The following CASZ1 variants were observed in gnomAD, a reference collection of about 807,000 sequenced individuals.
CASZ1 encodes castor zinc finger 1.
A neutral mutation model predicts 135.2 loss-of-function variants in CASZ1; 28 were observed. That is an observed-to-expected ratio of 0.21 (90% confidence interval 0.15 to 0.28). CASZ1 has a LOEUF of 0.28. CASZ1 is among the 10% of genes least tolerant of loss of function. CASZ1 has a pLI of 1.00. For synonymous variants in CASZ1, 1,068 were observed against 1,073.4 expected (o/e 0.99, Z 0.10); for missense variants, 2,161 against 2,453.3 (o/e 0.88, Z 2.52).
At chr1:10,687,610 G>C (rs1638635488) in intron 4 of CASZ1, among the ~76,000 whole-genome samples, 1 of 152,262 alleles carries the variant, frequency 6.6e-6, no homozygotes, top group Non-Finnish European at 1.5e-5. Context: ...CCCGGAAGCG[G>C]GGAAGAGAAT....
At chr1:10,655,285 C>A (rs1256263473) in intron 9 of CASZ1, among the ~76,000 whole-genome samples, 1 of 152,220 alleles carries the variant, frequency 6.6e-6, no homozygotes, top group Non-Finnish European at 1.5e-5. Context: ...AAAGCCCAGA[C>A]TCTGCGTGGC....
intron 1 of CASZ1, among the ~76,000 whole-genome samples, chr1:10,768,657 C>T (rs1210726964): frequency 6.6e-6 from 1 of 152,218 alleles, no homozygotes; most frequent in Admixed American, 6.5e-5. Flanking sequence ...CCAGCCAGAG[C>T]CCACTGTGGG....
Position 10,699,795 on chromosome 1 carries a change from T to A in CASZ1, c.-24+5697A>T, listed in dbSNP as rs1570496092. On this transcript the variant is annotated intron_variant, in intron 3 of 20. Transcript: ENST00000377022. The surrounding 1 kb of genome is among the most constrained non-coding windows in gnomAD (Gnocchi z 4.6). ...TTCCCCTTTGTCTCACCCTTGTAGG[T>A]TTCTCTTATCAGAAGCAGCGACGGT... 6.6e-6 allele frequency among the ~76,000 whole-genome samples: 1 copy of A among 152,160 alleles called. No homozygotes were observed. Among genetic ancestry groups the A allele is most frequent in the African/African-American group, 2.4e-5 (1 of 41,422 alleles).
chr1:10,649,678 G>A (rs1005668463), intron 13 of CASZ1: 11 of 491,954 alleles, frequency 2.2e-5, no homozygotes, highest in African/African-American at 3.8e-5. Flanking sequence ...ACATGAGCCC[G>A]TGCCGCGGGA....
rs1639607827 is a variant in CASZ1, at chr1:10,726,875, G to A, written c.-76-21331C>T. On this transcript the variant is annotated intron_variant, in intron 2 of 20. Transcript: ENST00000377022. This position sits in a 1 kb window ranked among gnomAD's most constrained non-coding sequence, Gnocchi z 5.7. ...CCCTGGCCTGCTCCGTGTCCTGGGG[G>A]AAATGGTTCAGGGAATGAATCAGCA... 1.3e-5 allele frequency among the ~76,000 whole-genome samples: 2 copies of A among 152,152 alleles called. No individual in the cohort carries two copies. The highest frequency in any genetic ancestry group is 6.5e-5 in the Admixed American group (1 of 15,276).
chr1:10,779,465 G>GC (rs904136327), intron 1 of CASZ1, among the ~76,000 whole-genome samples: 2 of 151,944 alleles, frequency 1.3e-5, no homozygotes, highest in African/African-American at 4.8e-5. Context: ...GGGTGCAGGC[G>GC]CCCTCTCGCC....
At chr1:10,752,743 A>G (rs930908269) in intron 2 of CASZ1, among the ~76,000 whole-genome samples, 1 of 152,226 alleles carries the variant, frequency 6.6e-6, no homozygotes, top group African/African-American at 2.4e-5. Context: ...TTTCTAATAA[A>G]CAATGAATAC....
chr1:10,778,006 C>T (rs561499719), intron 1 of CASZ1, among the ~76,000 whole-genome samples: 30 of 152,162 alleles, frequency 2.0e-4, no homozygotes, highest in African/African-American at 6.7e-4. Flanking sequence ...GTCTCATATA[C>T]ACTCACTCAT....
In CASZ1 at chr1:10,726,645, C is replaced by T. The variant is rs1002903174; in HGVS notation, c.-76-21101G>A. On this transcript the variant is annotated intron_variant, in intron 2 of 20. Coordinates refer to ENST00000377022, the MANE Select transcript of CASZ1 (RefSeq NM_001079843.3). The surrounding 1 kb of genome is among the most constrained non-coding windows in gnomAD (Gnocchi z 5.7). ...GCGCTGTGCGGCCCCTGCCTGGGTG[C>T]GGTGCCAGCTCACTACACCAGCAGA... Among the ~76,000 whole-genome samples the T allele has an allele frequency of 3.9e-5, 6 of 152,226 alleles. No individual in the cohort carries two copies. The highest frequency in any genetic ancestry group is 6.5e-5 in the Admixed American group (1 of 15,288).
At chr1:10,766,968 G>A (rs953605666) in intron 1 of CASZ1, among the ~76,000 whole-genome samples, 2 of 152,198 alleles carry the variant, frequency 1.3e-5, no homozygotes, top group African/African-American at 4.8e-5. Context: ...GGGAGAAAGC[G>A]AGGGAGGGAA....
Position 10,651,009 on chromosome 1 carries a change from G to A in CASZ1, c.2748C>T (p.Ser916=). ...CTTCGTGGGGGCCTGGGGCGCCGGTGCTCTCACCGGGTTCCGGCTTCACTT... is the reference window on the plus strand; with the variant it reads ...CTTCGTGGGGGCCTGGGGCGCCGGTACTCTCACCGGGTTCCGGCTTCACTT... ...PAQVKPEPGE[S]TGAPGPHEAS... The change falls in exon 12 of 21, where the codon AGC becomes AGT. Residue 916 remains serine, a synonymous_variant. Transcript: ENST00000377022. 2 of 1,569,312 alleles carry A rather than the reference G, an allele frequency of 1.3e-6. No individual in the cohort carries two copies. Among genetic ancestry groups the A allele is most frequent in the Non-Finnish European group, 1.7e-6 (2 of 1,167,208 alleles).
At chr1:10,685,437 A>T (rs767032386) in intron 4 of CASZ1, among the ~76,000 whole-genome samples, 22 of 152,216 alleles carry the variant, frequency 1.4e-4, no homozygotes, top group Non-Finnish European at 3.2e-4. Context: ...ATATTCACTC[A>T]TCTAGGCCCA....
chr1:10,696,208 AGT>A (rs779566003), intron 3 of CASZ1, among the ~76,000 whole-genome samples: 88 of 151,966 alleles, frequency 5.8e-4, no homozygotes, highest in Middle Eastern at 3.4e-3. Flanking sequence ...CCTCTCAGGG[AGT>A]TGGGCATCCC....
chr1:10,675,664 G>C (rs936513899), intron 4 of CASZ1, among the ~76,000 whole-genome samples: 3 of 152,120 alleles, frequency 2.0e-5, no homozygotes, highest in African/African-American at 7.2e-5. Context: ...GCCACTCTGG[G>C]CTCCTCTCCC....
At chr1:10,743,694 A>AG (rs751322701) in intron 2 of CASZ1, among the ~76,000 whole-genome samples, 70 of 146,564 alleles carry the variant, frequency 4.8e-4, no homozygotes, top group Non-Finnish European at 8.2e-4. Flanking sequence ...GGAGGAGAAG[A>AG]GGGAAAGGGA....
At chr1:10,677,526 G>A (rs781436199) in intron 4 of CASZ1, among the ~76,000 whole-genome samples, 3 of 152,194 alleles carry the variant, frequency 2.0e-5, no homozygotes, top group Non-Finnish European at 2.9e-5. Context: ...AGGGCAGCCT[G>A]CACTTAGGTC....
rs498504 is a variant in CASZ1 at position 10,679,315 on chromosome 1, A to C, written c.17-13744T>G. ...AGGTCTCCTGGGCCATCTGCACCACATGCCCCAGGAAGCGGTCCCTCTCCC... is the reference window on the plus strand; with the variant it reads ...AGGTCTCCTGGGCCATCTGCACCACCTGCCCCAGGAAGCGGTCCCTCTCCC... On this transcript the variant is annotated intron_variant, in intron 4 of 20. Transcript: ENST00000377022. This position sits in a 1 kb window ranked among gnomAD's most constrained non-coding sequence, Gnocchi z 4.7. Among the ~76,000 whole-genome samples the C allele has an allele frequency of 0.41, 62,071 of 152,030 alleles. 13,641 individuals carry two copies. The highest frequency in any genetic ancestry group is 0.47 in the Middle Eastern group (138 of 294).
chr1:10,721,292 GA>G lies in CASZ1; in HGVS notation c.-76-15749del, dbSNP rs200461021. On this transcript the variant is annotated intron_variant, in intron 2 of 20. Coordinates refer to ENST00000377022, the MANE Select transcript of CASZ1 (RefSeq NM_001079843.3). This position sits in a 1 kb window ranked among gnomAD's most constrained non-coding sequence, Gnocchi z 5.4. ...ACCTCCCCCACCCCCTGATCTTAGG[GA>G]AAAAAAAACCCATCAAAATAACTAT... 1.1e-4 allele frequency among the ~76,000 whole-genome samples: 16 copies of G among 150,050 alleles called. No homozygotes were observed. Among genetic ancestry groups the G allele is most frequent in the Middle Eastern group, 3.5e-3 (1 of 288 alleles).
chr1:10,709,621 G>C lies in CASZ1; in HGVS notation c.-76-4077C>G, dbSNP rs1225468160. 1.3e-5 allele frequency among the ~76,000 whole-genome samples: 2 copies of C among 152,080 alleles called. No individual in the cohort carries two copies. The highest frequency in any genetic ancestry group is 2.9e-5 in the Non-Finnish European group (2 of 68,014). ...GAAAAAGAAAGAGAGAGCGGGAGAG[G>C]GGGAGAGAGAGAGAGGGAGAGAGAG... On this transcript the variant is annotated intron_variant, in intron 2 of 20. Transcript: ENST00000377022. The surrounding 1 kb of genome is among the most constrained non-coding windows in gnomAD (Gnocchi z 5.1).
Sources: allele counts gnomAD v4.1 joint callset (sites outside exome capture counted in the v4.1 genomes callset), GRCh38; gene constraint gnomAD v4.1.1; non-coding constraint Gnocchi (gnomAD v3.1); transcripts MANE v1.5; gene names NCBI Gene and HGNC (gene_info 2026-07-23, HGNC 2026-07-21).